The following NOTCH2 variants were observed in gnomAD, a reference collection of about 807,000 sequenced individuals.
The protein encoded by NOTCH2 is notch receptor 2.
In NOTCH2, 29 loss-of-function variants were observed where a neutral mutation model predicts 235.8. The ratio of observed to expected loss-of-function variants is 0.12; its 90% confidence interval spans 0.09 to 0.17. NOTCH2 has a LOEUF of 0.17. NOTCH2 is among the 10% of genes least tolerant of loss of function. The pLI is 1.00. For synonymous variants in NOTCH2, 1,086 were observed against 1,141.5 expected (o/e 0.95, Z 0.98); for missense variants, 2,285 against 3,150.2 (o/e 0.73, Z 6.57).
chr1:119,981,326 T>C lies in NOTCH2; in HGVS notation c.874+5634A>G, dbSNP rs587713720. ...CACACACACCTTCTGCTTCCTAGTG[T>C]GGTTATGTGTGGACTTTCTTATGTC... On this transcript the variant is annotated intron_variant, in intron 5 of 33. Coordinates refer to ENST00000256646, the MANE Select transcript of NOTCH2 (RefSeq NM_024408.4). Among the ~76,000 whole-genome samples the C allele has an allele frequency of 2.2e-3, 330 of 152,282 alleles. 3 individuals carry two copies. The highest frequency in any genetic ancestry group is 7.8e-3 in the African/African-American group (324 of 41,572).
intron 1 of NOTCH2, among the ~76,000 whole-genome samples, chr1:120,038,200 A>AATGT (rs1654390534): frequency 6.6e-6 from 1 of 152,218 alleles, no homozygotes; most frequent in African/African-American, 2.4e-5. Context: ...AGATGAGACT[A>AATGT]ATGTATTCAG....
At chr1:119,976,803 A>G (rs879985964) in intron 5 of NOTCH2, among the ~76,000 whole-genome samples, 107 of 152,124 alleles carry the variant, frequency 7.0e-4, no homozygotes, top group African/African-American at 2.1e-3. Flanking sequence ...AAATGATCAC[A>G]TTCTTTCCCT....
chr1:119,981,655 C>T (rs1553201656), intron 5 of NOTCH2, among the ~76,000 whole-genome samples: 1 of 152,098 alleles, frequency 6.6e-6, no homozygotes, highest in African/African-American at 2.4e-5. Flanking sequence ...TCCTTGTTTC[C>T]ACCAACAGCG....
At chr1:119,950,518 C>G in intron 15 of NOTCH2, 1 of 690,848 alleles carries the variant, frequency 1.4e-6, no homozygotes, top group Non-Finnish European at 2.7e-6. Context: ...ACAATGTAGG[C>G]AAATGACTGT....
At chr1:119,938,136 T>A in intron 19 of NOTCH2, 126 bp from the exon 20 acceptor site, 1 of 1,036,776 alleles carries the variant, frequency 9.6e-7, no homozygotes, top group Non-Finnish European at 1.4e-6. Context: ...AGCCTTCATC[T>A]AGTAAAAGAG....
At chr1:119,956,011 AT>A (rs1298190286) in intron 12 of NOTCH2, among the ~76,000 whole-genome samples, 2 of 152,328 alleles carry the variant, frequency 1.3e-5, no homozygotes, top group Non-Finnish European at 2.9e-5. Flanking sequence ...TAAAAACTAG[AT>A]TTTGAGAAAT....
intron 23 of NOTCH2, among the ~76,000 whole-genome samples, chr1:119,926,864 G>A (rs1000830613): frequency 7.9e-5 from 12 of 152,146 alleles, no homozygotes; most frequent in Admixed American, 7.9e-4. Context: ...ACAACAGGGT[G>A]GGTGAGAAAA....
intron 10 of NOTCH2, 86 bp downstream of exon 10, chr1:119,965,367 C>A: frequency 9.4e-7 from 1 of 1,067,572 alleles, no homozygotes; most frequent in South Asian, 1.3e-5. Flanking sequence ...ACTGGCCTGG[C>A]ACAGCAGCTA....
intron 15 of NOTCH2, chr1:119,950,092 G>T (rs587650394): frequency 4.3e-6 from 1 of 232,388 alleles, no homozygotes; most frequent in South Asian, 5.9e-5. Flanking sequence ...CTTCTCAGTT[G>T]TAACAGCCAT....
At position 119,941,632 on chromosome 1, in the gene NOTCH2, T is replaced by C; in HGVS notation, c.2875A>G (p.Lys959Glu). ...TAGTCAGAGCAGGTCCCTCCATTCT[T>C]ACAGGGTTCACTCAGACACTCATTC... ...DMNECLSEPCKNGGTCSDYVN... is the reference protein window; with the variant it reads ...DMNECLSEPCENGGTCSDYVN... The change falls in exon 18 of 34, where the codon AAG (lysine) becomes GAG (glutamate). Residue 959 changes from lysine (K) to glutamate (E), a missense_variant. Physicochemically the swap from Lys to Glu is moderately conservative, Grantham distance 56 (BLOSUM62 1). Coordinates refer to ENST00000256646, the MANE Select transcript of NOTCH2 (RefSeq NM_024408.4). 1.2e-6 allele frequency: 2 copies of C among 1,614,154 alleles called. No homozygotes were observed. The highest frequency in any genetic ancestry group is 8.5e-7 in the Non-Finnish European group (1 of 1,180,014).
intron 5 of NOTCH2, among the ~76,000 whole-genome samples, chr1:119,970,404 G>C (rs587631669): frequency 6.6e-6 from 1 of 152,302 alleles, no homozygotes; most frequent in South Asian, 2.1e-4. Context: ...TGGATGTGAA[G>C]GGCAAGGCCA....
intron 5 of NOTCH2, among the ~76,000 whole-genome samples, chr1:119,971,853 T>C (rs1651372777): frequency 6.6e-6 from 1 of 152,232 alleles, no homozygotes; most frequent in African/African-American, 2.4e-5. Context: ...TTCTGAGAGA[T>C]GCCTCTTGCA....
At position 119,965,488 on chromosome 1, in the gene NOTCH2, T is replaced by C; in HGVS notation, c.1646A>G (p.Asp549Gly). Residue 549 changes from aspartate (D) to glycine (G), a missense_variant, in exon 10 of 34, where the codon GAT (aspartate) becomes GGT (glycine). Around this residue, in one of 6 missense-constraint regions of NOTCH2, gnomAD observed 431 missense variants for 757.8 expected, o/e 0.57. Transcript: ENST00000256646. Reference sequence around the variant, plus strand: ...CTGGCATTCATAGCCATTCGGGTGATCGATACACTTTGCCCCATTCAGACA... The same window carrying C: ...CTGGCATTCATAGCCATTCGGGTGACCGATACACTTTGCCCCATTCAGACA... ...TPCLNGAKCI[D>G]HPNGYECQCA... 1 of 1,613,978 alleles carries C rather than the reference T, an allele frequency of 6.2e-7. No individual in the cohort carries two copies.
At chr1:119,953,984 T>A (rs1304183916) in intron 13 of NOTCH2, among the ~76,000 whole-genome samples, 2 of 152,208 alleles carry the variant, frequency 1.3e-5, no homozygotes, top group Non-Finnish European at 2.9e-5. Context: ...AACAATATCA[T>A]GGATAAATCT....
chr1:119,941,295 T>C (rs587651456), intron 18 of NOTCH2, among the ~76,000 whole-genome samples: 1 of 152,332 alleles, frequency 6.6e-6, no homozygotes, highest in East Asian at 1.9e-4. Flanking sequence ...TTCTGTTCCC[T>C]AAGCAAGAAA....
chr1:119,949,482 G>A (rs1307880138), intron 15 of NOTCH2, among the ~76,000 whole-genome samples: 1 of 151,060 alleles, frequency 6.6e-6, no homozygotes, highest in East Asian at 2.0e-4. Context: ...CACCTCCCAG[G>A]TTCATGCCAT....
At position 119,937,850 on chromosome 1, in the gene NOTCH2, A is replaced by T; in HGVS notation, c.3337+7T>A. 6.2e-7 allele frequency: 1 copy of T among 1,614,190 alleles called. No homozygotes were observed. Among genetic ancestry groups the T allele is most frequent in the East Asian group, 2.2e-5 (1 of 44,876 alleles). On this transcript the variant is annotated splice_region_variant and intron_variant, in intron 20 of 33. Coordinates refer to ENST00000256646, the MANE Select transcript of NOTCH2 (RefSeq NM_024408.4). ...GAATGACCTGAGCCCAAGGGAGCAA[A>T]GCTTACCTCTCCTGGAGGCTGCTAT... is the stretch of plus-strand genomic sequence containing the variant.
At chr1:119,967,391 G>T in intron 8 of NOTCH2, 42 bp downstream of exon 8, 1 of 1,552,490 alleles carries the variant, frequency 6.4e-7, no homozygotes, top group Non-Finnish European at 8.9e-7. Flanking sequence ...GTTCAGAACA[G>T]TCCCTCCTCT....
rs587744222 is a variant in NOTCH2 at position 119,948,873 on chromosome 1, C to A, written c.2599+134G>T. ...GCCATTTCAAGTAGCAGCTCCTTTG[C>A]AAAACCTGTGTGCTCTTGACAAGAT... On this transcript the variant is annotated intron_variant, in intron 16 of 33. Transcript: ENST00000256646. 1.4e-5 allele frequency: 17 copies of A among 1,253,018 alleles called. No homozygotes were observed. The East Asian group carries it at 2.3e-4, about 17-fold the overall frequency. 77.6% of individuals were successfully genotyped at this position (1,253,018 alleles called of 1,614,324 possible). A position where few individuals can be genotyped will look rare whatever the true frequency, so the allele number is the denominator to read the frequency against.
Sources: gnomAD v4.1 joint callset for allele counts (sites outside exome capture counted in the v4.1 genomes callset) on GRCh38, gnomAD v4.1.1 for gene constraint, gnomAD v4.1.1 regional missense constraint, MANE v1.5 for transcripts, NCBI Gene and HGNC (gene_info 2026-07-23, HGNC 2026-07-21) for gene names.